Variants in OTUD7A observed in about 807,000 individuals in gnomAD.
OTUD7A encodes OTU deubiquitinase 7A, also known as OTU domain-containing protein 7A.
In OTUD7A, 12 loss-of-function variants were observed where a neutral mutation model predicts 65.7. That is an observed-to-expected ratio of 0.18 (90% CI 0.12 to 0.30). The LOEUF (loss-of-function observed/expected upper bound fraction) is 0.30, where lower values mean the gene tolerates loss of function less well. Ranked by LOEUF, OTUD7A falls within the 10% of genes least tolerant of loss-of-function variation. OTUD7A has a pLI of 1.00. For missense variants in OTUD7A, 1,148 were observed against 1,304.8 expected (o/e 0.88, Z 1.85); for synonymous variants, 641 against 586.3 (o/e 1.09, Z -1.35).
intron 1 of OTUD7A, among the ~76,000 whole-genome samples, chr15:31,756,397 T>G (rs1261760141): frequency 6.6e-6 from 1 of 152,210 alleles, no homozygotes; most frequent in African/African-American, 2.4e-5. Context: ...CAAGGTACTT[T>G]TCAGGGCCCT....
Position 31,683,974 on chromosome 15 carries a change from T to C in OTUD7A, c.-99-26897A>G, listed in dbSNP as rs151059172. On this transcript the variant is annotated intron_variant, in intron 1 of 12. Coordinates refer to ENST00000307050, the MANE Select transcript of OTUD7A (RefSeq NM_001382637.1). ...CCTGAGGAAAGAATGGTAAAGCCAA[T>C]TTCATTCAAACACTAAGCATTGGCT... 3.4e-3 allele frequency among the ~76,000 whole-genome samples: 514 copies of C among 152,330 alleles called. 7 individuals are homozygous for C. The highest frequency in any genetic ancestry group is 0.023 in the Admixed American group (353 of 15,298).
chr15:31,757,353 T>A (rs1894843759), intron 1 of OTUD7A, among the ~76,000 whole-genome samples: 1 of 147,524 alleles, frequency 6.8e-6, no homozygotes, highest in South Asian at 2.1e-4. Context: ...AATATATATA[T>A]TATATATATA....
At chr15:31,524,369 C>T (rs769088422) in intron 8 of OTUD7A, among the ~76,000 whole-genome samples, 2 of 150,074 alleles carry the variant, frequency 1.3e-5, no homozygotes, top group Non-Finnish European at 2.9e-5. Context: ...GACTTTTTGG[C>T]TCCTTCCATT....
intron 3 of OTUD7A, among the ~76,000 whole-genome samples, chr15:31,597,835 G>A (rs913366916): frequency 3.9e-5 from 6 of 152,180 alleles, no homozygotes; most frequent in Non-Finnish European, 5.9e-5. Context: ...CAGTGGGCAA[G>A]GCAAGGGGCA....
In OTUD7A at chr15:31,483,185, G is replaced by A. The variant is rs2041158119; in HGVS notation, c.*109C>T. 2 of 986,856 alleles carry A rather than the reference G, an allele frequency of 2.0e-6. No individual in the cohort carries two copies. The highest frequency in any genetic ancestry group is 1.7e-5 in the African/African-American group (1 of 57,320). 61.1% of individuals were successfully genotyped at this position (986,856 alleles called of 1,614,324 possible). ...ACCAAACACGTACACGGCACTGACA[G>A]AGGAGGCGCCGGCCTTCCGGTGGAC... On this transcript the variant is annotated 3_prime_UTR_variant, in exon 13 of 13. Coordinates refer to ENST00000307050, the MANE Select transcript of OTUD7A (RefSeq NM_001382637.1).
chr15:31,550,104 A>G (rs1024072102), intron 5 of OTUD7A, among the ~76,000 whole-genome samples: 1 of 26,546 alleles, frequency 3.8e-5, no homozygotes, highest in South Asian at 6.4e-4. Context: ...TGTCTCCAGG[A>G]AAAAAAAAAA....
chr15:31,585,614 T>C lies in OTUD7A; in HGVS notation c.152-15417A>G, dbSNP rs866434964. On this transcript the variant is annotated intron_variant, in intron 3 of 12. Transcript: ENST00000307050. ...TTTCTATCTGCGGCTTCCCTGCCCT[T>C]CACTCCTCTACCCTTCCAGCTGGGG... 6.6e-5 allele frequency among the ~76,000 whole-genome samples: 10 copies of C among 152,328 alleles called. 1 individual carries two copies. In the Middle Eastern group the frequency reaches 0.024, roughly 363 times the overall value.
At chr15:31,610,355 T>C (rs1890364983) in intron 3 of OTUD7A, among the ~76,000 whole-genome samples, 1 of 151,144 alleles carries the variant, frequency 6.6e-6, no homozygotes, top group Non-Finnish European at 1.5e-5. Flanking sequence ...ACAATAAGAG[T>C]GGGGAACTTT....
At chr15:31,639,202 T>C (rs1891438824) in intron 3 of OTUD7A, among the ~76,000 whole-genome samples, 3 of 152,176 alleles carry the variant, frequency 2.0e-5, no homozygotes, top group African/African-American at 7.2e-5. Context: ...CTGACCTGCA[T>C]TCCATCGCTA....
chr15:31,767,786 T>G (rs1814480300), intron 1 of OTUD7A: 4 of 729,414 alleles, frequency 5.5e-6, no homozygotes, highest in Admixed American at 2.3e-5. Flanking sequence ...ACGAGATAAG[T>G]TTTGTAATTT....
At chr15:31,710,413 C>CCA (rs1438391048) in intron 1 of OTUD7A, among the ~76,000 whole-genome samples, 1 of 150,700 alleles carries the variant, frequency 6.6e-6, no homozygotes, top group Non-Finnish European at 1.5e-5. Flanking sequence ...CAGGCACCCA[C>CCA]CACTGGGCCA....
chr15:31,661,001 G>A (rs939441824), intron 1 of OTUD7A, among the ~76,000 whole-genome samples: 2 of 152,230 alleles, frequency 1.3e-5, no homozygotes, highest in African/African-American at 2.4e-5. Context: ...GACACCCAAT[G>A]GGCCCAATGG....
At chr15:31,860,679 A>ATATATATATATATATGTATG (rs1254080643) in intron 1 of OTUD7A, among the ~76,000 whole-genome samples, 1 of 40,880 alleles carries the variant, frequency 2.4e-5, no homozygotes, top group Non-Finnish European at 6.3e-5. Context: ...GTATGTGTGT[A>ATATATATATATATATGTATG]TATATATATA....
intron 1 of OTUD7A, among the ~76,000 whole-genome samples, chr15:31,670,968 C>G (rs893287616): frequency 3.3e-5 from 5 of 151,432 alleles, no homozygotes; most frequent in Admixed American, 6.6e-5. Context: ...GCACTCCAGC[C>G]TGGGGGACAA....
intron 1 of OTUD7A, among the ~76,000 whole-genome samples, chr15:31,729,046 T>C (rs2141358435): frequency 6.6e-6 from 1 of 152,342 alleles, no homozygotes; most frequent in African/African-American, 2.4e-5. Context: ...ACAGAAACCA[T>C]ATTCACATAA....
intron 3 of OTUD7A, among the ~76,000 whole-genome samples, chr15:31,575,081 C>T (rs1889163775): frequency 6.6e-6 from 1 of 152,114 alleles, no homozygotes; most frequent in Non-Finnish European, 1.5e-5. Context: ...TGATTAAACT[C>T]AGGGGGGAAA....
intron 1 of OTUD7A, among the ~76,000 whole-genome samples, chr15:31,733,717 T>C (rs1023136401): frequency 7.2e-5 from 11 of 152,222 alleles, no homozygotes; most frequent in African/African-American, 2.4e-4. Context: ...ACTGTCACCA[T>C]GGGGTCAGCT....
chr15:31,530,450 C>T lies in OTUD7A; in HGVS notation c.652+257G>A, dbSNP rs1595587880. 2.0e-5 allele frequency among the ~76,000 whole-genome samples: 3 copies of T among 152,338 alleles called. No homozygotes were observed. The South Asian group carries it at 6.2e-4, about 32-fold the overall frequency. On this transcript the variant is annotated intron_variant, in intron 6 of 12. Coordinates refer to ENST00000307050, the MANE Select transcript of OTUD7A (RefSeq NM_001382637.1). ...CCAGGCGACGGTCTCTAAGTCCCAT[C>T]CCTGCAGCTATGCTCAAGGCCTCCT...
chr15:31,864,236 G>A (rs1051358133), intron 1 of OTUD7A, among the ~76,000 whole-genome samples: 26 of 152,092 alleles, frequency 1.7e-4, no homozygotes, highest in African/African-American at 3.9e-4. Context: ...CCTCCAAACC[G>A]TTCCAACCTC....
Sources: gnomAD v4.1 joint callset for allele counts (sites outside exome capture counted in the v4.1 genomes callset) on GRCh38, gnomAD v4.1.1 for gene constraint, MANE v1.5 for transcripts, NCBI Gene and HGNC (gene_info 2026-07-23, HGNC 2026-07-21) for gene names.